ANK1: variants seen among roughly 807,000 people sequenced by gnomAD.
The protein encoded by ANK1 is ankyrin 1.
Under a neutral mutation model 210.4 loss-of-function variants are expected in ANK1, and 51 were observed. The observed-to-expected ratio is 0.24, with a 90% CI of 0.19 to 0.31. The LOEUF (loss-of-function observed/expected upper bound fraction) is 0.31, where lower values mean the gene tolerates loss of function less well. Among genes scored for constraint, ANK1 ranks in the 10% least tolerant of loss-of-function variants. ANK1 has a pLI of 1.00. For synonymous variants in ANK1, 967 were observed against 1,025.9 expected (o/e 0.94, Z 1.10); for missense variants, 2,051 against 2,504.4 (o/e 0.82, Z 3.86).
At chr8:41,668,994 A>G (rs2150557489) in intron 38 of ANK1, among the ~76,000 whole-genome samples, 1 of 151,766 alleles carries the variant, frequency 6.6e-6, no homozygotes, top group African/African-American at 2.4e-5. Flanking sequence ...TCTCCCCCTC[A>G]AGACACATTC....
At chr8:41,719,905 C>A in intron 9 of ANK1, 47 bp from the exon 10 acceptor site, 1 of 1,596,696 alleles carries the variant, frequency 6.3e-7, no homozygotes, top group South Asian at 1.1e-5. Context: ...TTCTGGGGAC[C>A]GAGCATGGAG....
intron 1 of ANK1, among the ~76,000 whole-genome samples, chr8:41,774,515 C>T (rs1031116188): frequency 2.0e-5 from 3 of 152,212 alleles, no homozygotes; most frequent in Non-Finnish European, 4.4e-5. Context: ...GGGCCAGGGC[C>T]GTGCTGCAGA....
chr8:41,778,892 G>A (rs1048914467), intron 1 of ANK1, among the ~76,000 whole-genome samples: 2 of 152,226 alleles, frequency 1.3e-5, no homozygotes, highest in African/African-American at 4.8e-5. Context: ...GGAAGCCCGC[G>A]CTCATAGAGC....
intron 17 of ANK1, among the ~76,000 whole-genome samples, chr8:41,708,552 G>C (rs770245404): frequency 1.3e-5 from 2 of 152,118 alleles, no homozygotes; most frequent in Middle Eastern, 3.2e-3. Context: ...ATCGGCAAAG[G>C]CTTTGGCATC....
chr8:41,888,513 C>T (rs1317471740), intron 1 of ANK1, among the ~76,000 whole-genome samples: 18 of 152,316 alleles, frequency 1.2e-4, no homozygotes, highest in Non-Finnish European at 2.4e-4. Flanking sequence ...TCTCCGTGTC[C>T]GGCTCCTGGC....
chr8:41,864,267 A>T (rs1250083454), intron 1 of ANK1, among the ~76,000 whole-genome samples: 1 of 149,796 alleles, frequency 6.7e-6, no homozygotes, highest in Non-Finnish European at 1.5e-5. Flanking sequence ...AAAAAAAAAA[A>T]GGGTACCATT....
chr8:41,700,943 T>A (rs185251014), intron 22 of ANK1, among the ~76,000 whole-genome samples: 5,463 of 152,114 alleles, frequency 0.036, 174 homozygotes, highest in African/African-American at 0.09. Context: ...TTAGTTCTAA[T>A]TTTTTGGAGA....
intron 1 of ANK1, among the ~76,000 whole-genome samples, chr8:41,893,404 A>T (rs1394172997): frequency 1.3e-5 from 2 of 152,110 alleles, no homozygotes; most frequent in Non-Finnish European, 2.9e-5. Flanking sequence ...GCATTGTTAG[A>T]GCTCCAGAGT....
intron 1 of ANK1, among the ~76,000 whole-genome samples, chr8:41,767,057 C>A (rs1376491474): frequency 6.6e-6 from 1 of 152,122 alleles, no homozygotes; most frequent in Non-Finnish European, 1.5e-5. Flanking sequence ...CCGTGCCCCT[C>A]TTCCAGGCCG....
rs188191521 is a variant in ANK1 at position 41,782,287 on chromosome 8, C to T, written c.27+15225G>A. On this transcript the variant is annotated intron_variant, in intron 1 of 42. Transcript: ENST00000289734. Reference sequence around the variant, plus strand: ...CCAAAATGCATGGCCAAGAAGAAAACGCAGAGGTTTGCTGCAAAGGAGCCC... The same window carrying T: ...CCAAAATGCATGGCCAAGAAGAAAATGCAGAGGTTTGCTGCAAAGGAGCCC... Among the ~76,000 whole-genome samples the T allele has an allele frequency of 6.1e-4, 93 of 152,322 alleles. 1 individual carries two copies. Among genetic ancestry groups the T allele is most frequent in the African/African-American group, 2.2e-3 (90 of 41,578 alleles).
intron 37 of ANK1, among the ~76,000 whole-genome samples, chr8:41,684,318 A>G (rs759157075): frequency 6.6e-6 from 1 of 152,258 alleles, no homozygotes; most frequent in Non-Finnish European, 1.5e-5. Context: ...AGGGCTGCAA[A>G]GGCTAAGGCG....
At chr8:41,699,936 C>A (rs1423763647) in intron 22 of ANK1, among the ~76,000 whole-genome samples, 2 of 152,252 alleles carry the variant, frequency 1.3e-5, no homozygotes, top group African/African-American at 4.8e-5. Flanking sequence ...TGGACCCACT[C>A]ATTTCAAAGG....
At chr8:41,702,188 T>C in intron 20 of ANK1, 44 bp from the exon 21 acceptor site, 2 of 1,542,944 alleles carry the variant, frequency 1.3e-6, no homozygotes, top group Non-Finnish European at 1.8e-6. Context: ...GGGGATGGAG[T>C]CTAGGAGGCG....
rs2150597061 is a variant in ANK1, at chr8:41,696,520, G to T, written c.2803C>A (p.Arg935=). ...CACGTCCGTGGCGGGATCACCACTC[G>T]CAGGCCGTTGTGGCGACTTCCTCTC... ...SMRGSRHNGL[R]VVIPPRTCAA... Residue 935 remains arginine, a synonymous_variant, in exon 26 of 43, where the codon CGA becomes AGA. Coordinates refer to ENST00000289734, the MANE Select transcript of ANK1 (RefSeq NM_000037.4). The T allele has an allele frequency of 2.5e-6, 4 of 1,613,644 alleles. No homozygotes were observed. In the East Asian group the frequency reaches 8.9e-5, roughly 36 times the overall value.
chr8:41,734,737 A>G (rs957673817), intron 2 of ANK1, among the ~76,000 whole-genome samples: 2 of 151,812 alleles, frequency 1.3e-5, no homozygotes, highest in Non-Finnish European at 2.9e-5. Context: ...ACAAAAGAAA[A>G]AAAAAAGCCC....
chr8:41,869,523 T>C (rs1316893795), intron 1 of ANK1, among the ~76,000 whole-genome samples: 2 of 152,056 alleles, frequency 1.3e-5, no homozygotes, highest in East Asian at 3.9e-4. Context: ...GAGGCTGCAG[T>C]GAGCCATGAT....
intron 2 of ANK1, among the ~76,000 whole-genome samples, chr8:41,736,585 G>A (rs1833477080): frequency 6.6e-6 from 1 of 152,234 alleles, no homozygotes; most frequent in Non-Finnish European, 1.5e-5. Context: ...CGCAGTGGCA[G>A]CCAGCCTTGC....
chr8:41,883,607 G>A (rs763502323), intron 1 of ANK1, among the ~76,000 whole-genome samples: 52 of 152,054 alleles, frequency 3.4e-4, no homozygotes, highest in Non-Finnish European at 6.2e-4. Flanking sequence ...ATACAGGCAC[G>A]CACCACCACA....
intron 3 of ANK1, among the ~76,000 whole-genome samples, chr8:41,730,991 C>T (rs942975365): frequency 2.0e-5 from 3 of 152,196 alleles, no homozygotes; most frequent in African/African-American, 7.2e-5. Context: ...GGAAGGTCAC[C>T]CTGTTTTGGG....
Sources: gnomAD v4.1 joint callset for allele counts (sites outside exome capture counted in the v4.1 genomes callset) on GRCh38, gnomAD v4.1.1 for gene constraint, MANE v1.5 for transcripts, NCBI Gene and HGNC (gene_info 2026-07-23, HGNC 2026-07-21) for gene names.